RAB31: variants seen among roughly 807,000 people sequenced by gnomAD.
RAB31 encodes the protein RAB31, member RAS oncogene family.
A neutral mutation model predicts 25.6 loss-of-function variants in RAB31; 21 were observed. The ratio of observed to expected loss-of-function variants is 0.82; its 90% CI spans 0.58 to 1.18. The LOEUF (loss-of-function observed/expected upper bound fraction) is 1.18, where lower values mean the gene tolerates loss of function less well. Ranked by LOEUF, RAB31 falls within the 50% of genes most tolerant of loss-of-function variation. The pLI, the probability that RAB31 is intolerant of heterozygous loss-of-function variation, is 0.00. For missense variants in RAB31, 196 were observed against 250.1 expected (o/e 0.78, Z 1.46); for synonymous variants, 87 against 84.0 (o/e 1.04, Z -0.20).
chr18:9,782,628 T>C (rs1424344680), intron 2 of RAB31, among the ~76,000 whole-genome samples: 1 of 152,176 alleles, frequency 6.6e-6, no homozygotes, highest in Non-Finnish European at 1.5e-5. Context: ...AGTCAGTTTA[T>C]CAGGGCCAGT....
intron 3 of RAB31, among the ~76,000 whole-genome samples, chr18:9,793,398 C>T (rs2068471210): frequency 6.6e-6 from 1 of 152,264 alleles, no homozygotes; most frequent in East Asian, 1.9e-4. Flanking sequence ...CGCGGTGGCT[C>T]ACGCCTGTAA....
At chr18:9,838,755 C>T (rs973094939) in intron 5 of RAB31, among the ~76,000 whole-genome samples, 3 of 152,176 alleles carry the variant, frequency 2.0e-5, no homozygotes, top group South Asian at 2.1e-4. Flanking sequence ...GGGCTCACCT[C>T]GCTGGAATAC....
Position 9,853,940 on chromosome 18 carries a change from CTTTT to C in RAB31, c.491-5284_491-5281del, listed in dbSNP as rs1215606898. On this transcript the variant is annotated intron_variant, in intron 6 of 6. Transcript: ENST00000578921. Reference sequence around the variant, plus strand: ...GCCTAATGATTTTTTTTAAGGTTTTCTTTTTTTCTTTTCTTTTCTTTTCTTTTTT... The same window carrying C: ...GCCTAATGATTTTTTTTAAGGTTTTCTTTCTTTTCTTTTCTTTTCTTTTTT... Among the ~76,000 whole-genome samples, 604 of 141,194 alleles carry C rather than the reference CTTTT, an allele frequency of 4.3e-3. 1 individual carries two copies. The highest frequency in any genetic ancestry group is 4.5e-3 in the Non-Finnish European group (288 of 64,426). The allele number at this position is 141,194 out of a possible 152,430, so 92.6% of individuals were successfully genotyped here.
chr18:9,838,244 T>C (rs1287832952), intron 5 of RAB31, among the ~76,000 whole-genome samples: 1 of 152,198 alleles, frequency 6.6e-6, no homozygotes, highest in Non-Finnish European at 1.5e-5. Flanking sequence ...AGACGATCGC[T>C]TTCTTTCTGT....
intron 1 of RAB31, among the ~76,000 whole-genome samples, chr18:9,744,549 A>G (rs551285079): frequency 6.6e-6 from 1 of 152,282 alleles, no homozygotes; most frequent in East Asian, 1.9e-4. Flanking sequence ...TTTTAACGTA[A>G]TATTTTATGG....
chr18:9,715,414 C>CTT (rs35636275), intron 1 of RAB31, among the ~76,000 whole-genome samples: 48 of 144,360 alleles, frequency 3.3e-4, no homozygotes, highest in Non-Finnish European at 5.6e-4. Context: ...CCTTTGCCCC[C>CTT]TTTTTTTTTT....
At chr18:9,740,961 C>T (rs1413292753) in intron 1 of RAB31, among the ~76,000 whole-genome samples, 4 of 152,038 alleles carry the variant, frequency 2.6e-5, no homozygotes, top group Non-Finnish European at 5.9e-5. Flanking sequence ...AGTAAGTGGC[C>T]TCTGGGTTCT....
chr18:9,807,558 C>T (rs1453902241), intron 3 of RAB31, among the ~76,000 whole-genome samples: 2 of 152,124 alleles, frequency 1.3e-5, no homozygotes, highest in Non-Finnish European at 2.9e-5. Flanking sequence ...ACGTTCACTG[C>T]CCTTGGACGA....
rs532224432 is a variant in RAB31, at chr18:9,729,255, C to T, written c.39+20811C>T. On this transcript the variant is annotated intron_variant, in intron 1 of 6. Coordinates refer to ENST00000578921, the MANE Select transcript of RAB31 (RefSeq NM_006868.4). ...TCTAATATTATAAAAGTATTTAGCGCGATGGCTCATGTCTGTAATCCCAGC... is the reference window on the plus strand; with the variant it reads ...TCTAATATTATAAAAGTATTTAGCGTGATGGCTCATGTCTGTAATCCCAGC... Among the ~76,000 whole-genome samples the T allele has an allele frequency of 4.7e-4, 71 of 152,136 alleles. No individual in the cohort carries two copies. The South Asian group carries it at 5.8e-3, about 12-fold the overall frequency.
At chr18:9,715,153 G>T (rs1358751350) in intron 1 of RAB31, among the ~76,000 whole-genome samples, 5 of 152,140 alleles carry the variant, frequency 3.3e-5, no homozygotes, top group Non-Finnish European at 5.9e-5. Flanking sequence ...ATGTATAGTG[G>T]GATATGGTGG....
At chr18:9,828,210 G>A (rs912902730) in intron 5 of RAB31, among the ~76,000 whole-genome samples, 20 of 152,168 alleles carry the variant, frequency 1.3e-4, no homozygotes, top group African/African-American at 4.8e-4. Flanking sequence ...GAAAGATGGC[G>A]GGATGGTGTG....
At chr18:9,742,871 TTTTTCCTTCTTC>T (rs748802290) in intron 1 of RAB31, among the ~76,000 whole-genome samples, 10 of 152,342 alleles carry the variant, frequency 6.6e-5, no homozygotes, top group South Asian at 2.1e-4. Flanking sequence ...AACTTGGCTC[TTTTTCCTTCTTC>T]TTTTCCTTCT....
At chr18:9,789,634 G>A (rs1333380031) in intron 2 of RAB31, among the ~76,000 whole-genome samples, 1 of 152,176 alleles carries the variant, frequency 6.6e-6, no homozygotes, top group African/African-American at 2.4e-5. Context: ...TGGCTGGGTG[G>A]TGAAATATGA....
At chr18:9,814,742 G>T (rs1046188655) in intron 4 of RAB31, 6 of 172,196 alleles carry the variant, frequency 3.5e-5, no homozygotes, top group Admixed American at 2.9e-4. Flanking sequence ...TGAGTGAAGG[G>T]CCAACAGGAA....
At chr18:9,854,435 C>T (rs527480516) in intron 6 of RAB31, among the ~76,000 whole-genome samples, 1 of 152,220 alleles carries the variant, frequency 6.6e-6, no homozygotes, top group Admixed American at 6.5e-5. Flanking sequence ...TCTTGACTCT[C>T]CCGCCTCCAG....
Position 9,708,593 on chromosome 18 carries a change from G to T in RAB31, c.39+149G>T, listed in dbSNP as rs937529497. The T allele has an allele frequency of 4.7e-6, 3 of 632,912 alleles. No individual in the cohort carries two copies. Among genetic ancestry groups the T allele is most frequent in the Non-Finnish European group, 7.3e-6 (3 of 410,256 alleles). The allele number at this position is 632,912 out of a possible 1,614,324, so 39.2% of individuals were successfully genotyped here. A position where few individuals can be genotyped will look rare whatever the true frequency, so the allele number is the denominator to read the frequency against. ...CGTCCCCCTCGTCCGCGCGCCCCCT[G>T]GTTCCCCGGGTCCCCCTGGCTCCCC... On this transcript the variant is annotated intron_variant, in intron 1 of 6. Coordinates refer to ENST00000578921, the MANE Select transcript of RAB31 (RefSeq NM_006868.4). This position sits in a 1 kb window ranked among gnomAD's most constrained non-coding sequence, Gnocchi z 6.4.
intron 4 of RAB31, 109 bp from the exon 5 acceptor site, chr18:9,815,007 C>A: frequency 1.3e-6 from 1 of 749,388 alleles, no homozygotes; most frequent in Non-Finnish European, 2.2e-6. Flanking sequence ...CTGCATGAGT[C>A]TCCTAAAAAT....
chr18:9,826,444 A>C (rs1297301388), intron 5 of RAB31, among the ~76,000 whole-genome samples: 1 of 152,138 alleles, frequency 6.6e-6, no homozygotes, highest in Non-Finnish European at 1.5e-5. Context: ...AAAACACAAA[A>C]GTGACACCAT....
chr18:9,849,340 G>C (rs530945042), intron 6 of RAB31, among the ~76,000 whole-genome samples: 7 of 152,238 alleles, frequency 4.6e-5, no homozygotes, highest in African/African-American at 1.7e-4. Context: ...CTAATAAATG[G>C]AATGGTGCTG....
Sources: gnomAD v4.1 joint callset for allele counts (sites outside exome capture counted in the v4.1 genomes callset) on GRCh38, gnomAD v4.1.1 for gene constraint, Gnocchi (gnomAD v3.1) non-coding constraint, MANE v1.5 for transcripts, NCBI Gene and HGNC (gene_info 2026-07-23, HGNC 2026-07-21) for gene names.